ATP13A3: variants seen among roughly 807,000 people sequenced by gnomAD.
The protein encoded by ATP13A3 is ATPase 13A3, also known as polyamine-transporting ATPase 13A3.
A neutral mutation model predicts 158.1 loss-of-function variants in ATP13A3; 59 were observed. That is an observed-to-expected ratio of 0.37 (90% confidence interval 0.30 to 0.46). The LOEUF (loss-of-function observed/expected upper bound fraction) is 0.46, where lower values mean the gene tolerates loss of function less well. ATP13A3 is among the 20% of genes least tolerant of loss of function. The probability of loss-of-function intolerance (pLI) is 1.00; values close to 1 mark genes in which losing one functional copy is unlikely to be tolerated. For missense variants in ATP13A3, 1,166 were observed against 1,525.2 expected, an observed-to-expected ratio of 0.76 and a Z score of 3.92; for synonymous variants, 491 against 504.3, an observed-to-expected ratio of 0.97 and a Z score of 0.35.
chr3:194,411,558 C>T lies in ATP13A3; in HGVS notation c.3573+641G>A, dbSNP rs572650111. 2.6e-5 allele frequency among the ~76,000 whole-genome samples: 4 copies of T among 152,316 alleles called. No individual in the cohort carries two copies. In the East Asian group the frequency reaches 7.7e-4, roughly 29 times the overall value. The stretch of plus-strand genomic sequence containing the variant: ...GGTTTTATTCCTCTGTTTCTCTTCT[C>T]TCTTTACCACAGAACTTGCAATACC... On this transcript the variant is annotated intron_variant, in intron 33 of 33. Transcript: ENST00000645319.
intron 29 of ATP13A3, 131 bp from the exon 30 acceptor site, chr3:194,425,660 C>A: frequency 1.5e-6 from 1 of 682,616 alleles, no homozygotes; most frequent in Non-Finnish European, 2.4e-6. Context: ...GCAAAAGGTC[C>A]AACAATATCA....
At chr3:194,450,036 TCA>T in intron 11 of ATP13A3, 107 bp downstream of exon 11, 1 of 1,159,998 alleles carries the variant, frequency 8.6e-7, no homozygotes, top group South Asian at 1.5e-5. Context: ...TCCAACATAT[TCA>T]TGAGTAAAGG....
At chr3:194,409,256 C>CTG (rs2108706655) in intron 33 of ATP13A3, among the ~76,000 whole-genome samples, 1 of 152,306 alleles carries the variant, frequency 6.6e-6, no homozygotes, top group African/African-American at 2.4e-5. Flanking sequence ...TATAATGGCG[C>CTG]TGTGGTTTTC....
chr3:194,446,463 G>A (rs945818368), intron 14 of ATP13A3, among the ~76,000 whole-genome samples: 4 of 152,276 alleles, frequency 2.6e-5, no homozygotes, highest in Admixed American at 6.5e-5. Flanking sequence ...GCCTCGTTCC[G>A]CCAGTTGCTG....
intron 16 of ATP13A3, among the ~76,000 whole-genome samples, 161 bp from the exon 17 acceptor site, chr3:194,439,133 T>C (rs559923473): frequency 6.6e-6 from 1 of 152,286 alleles, no homozygotes; most frequent in South Asian, 2.1e-4. Flanking sequence ...ACTGGATCAC[T>C]AACATAAGTA....
Position 194,413,859 on chromosome 3 carries a change from T to A in ATP13A3, c.3403-20A>T. The A allele has an allele frequency of 6.3e-7, 1 of 1,598,896 alleles. No individual in the cohort carries two copies. ...CACTATCTGTAATGCAAAAACATTT[T>A]AAAGTTAAAATTGTTGTATGTAGTC... On this transcript the variant is annotated intron_variant, in intron 31 of 33. Transcript: ENST00000645319.
intron 2 of ATP13A3, chr3:194,468,124 A>C (rs1367385564): frequency 6.6e-6 from 1 of 152,204 alleles, no homozygotes; most frequent in Non-Finnish European, 1.5e-5. Context: ...AACTGCTTTC[A>C]AAATGATTAA....
rs768963986 is a variant in ATP13A3, at chr3:194,453,727, A to T, written c.817T>A (p.Ser273Thr). Residue 273 changes from serine (S) to threonine (T), a missense_variant, in exon 10 of 34, where the codon TCA becomes ACA. By Grantham distance (58) the Ser-to-Thr change is moderately conservative. Around this residue, in one of 3 missense-constraint regions of ATP13A3, gnomAD observed 997 missense variants for 1,341.2 expected, o/e 0.74. Transcript: ENST00000645319. Reference protein sequence around the residue: ...MVATHSTVRVSVCRVNEEIEE... With the variant: ...MVATHSTVRVTVCRVNEEIEE... ...TTACCTTCATTTACTCTACAAACTG[A>T]AACTCTTACGGTACTATGAGTTGCC... 1 of 1,613,200 alleles carries T rather than the reference A, an allele frequency of 6.2e-7. No individual in the cohort carries two copies. Among genetic ancestry groups the T allele is most frequent in the Admixed American group, 1.7e-5 (1 of 60,010 alleles).
chr3:194,418,034 A>G (rs1716013207), intron 31 of ATP13A3, among the ~76,000 whole-genome samples: 1 of 150,958 alleles, frequency 6.6e-6, no homozygotes, highest in African/African-American at 2.4e-5. Flanking sequence ...GAGGAAGGAA[A>G]GAAGGAATGA....
Position 194,430,096 on chromosome 3 carries a change from A to G in ATP13A3, c.2753T>C (p.Ile918Thr). 6.2e-7 allele frequency: 1 copy of G among 1,614,130 alleles called. No homozygotes were observed. Among genetic ancestry groups the G allele is most frequent in the Non-Finnish European group, 8.5e-7 (1 of 1,179,986 alleles). Residue 918 changes from isoleucine to threonine, a missense_variant, in exon 26 of 34, where the codon ATT (isoleucine) becomes ACT (threonine). Physicochemically the swap from Ile to Thr is moderately conservative, Grantham distance 89. Coordinates refer to ENST00000645319, the MANE Select transcript of ATP13A3 (RefSeq NM_001367549.1). ...ASPFTSKTPS[I>T]SCVPNLIREG... ...CCTGATAAGGTTTGGCACACAGGAA[A>G]TACTAGGAGTCTTAGAGGTAAAGGG...
intron 17 of ATP13A3, among the ~76,000 whole-genome samples, 182 bp downstream of exon 17, chr3:194,438,674 C>T (rs1717832350): frequency 6.6e-6 from 1 of 152,152 alleles, no homozygotes; most frequent in South Asian, 2.1e-4. Flanking sequence ...TGGTGGCTCA[C>T]ACCTGTAATC....
Position 194,450,211 on chromosome 3 carries a change from T to C in ATP13A3, c.904A>G (p.Thr302Ala). The C allele has an allele frequency of 6.2e-7, 1 of 1,613,612 alleles. No individual in the cohort carries two copies. The highest frequency in any genetic ancestry group is 8.5e-7 in the Non-Finnish European group (1 of 1,179,566). Residue 302 changes from threonine (T) to alanine (A), a missense_variant, in exon 11 of 34, where the codon ACA (threonine) becomes GCA (alanine). Transcript: ENST00000645319. ...AGCACAGCATCACAAGGCATTATTG[T>C]CCCATTTAATGGAATGACCATGACA... The part of the protein sequence containing the change: ...GDVMVIPLNG[T>A]IMPCDAVLIN...
At chr3:194,447,162 G>A (rs374489657) in intron 13 of ATP13A3, 47 bp from the exon 14 acceptor site, 26 of 1,478,336 alleles carry the variant, frequency 1.8e-5, no homozygotes, top group East Asian at 4.6e-5. Flanking sequence ...TATTATTTAC[G>A]GATTTAATAT....
At chr3:194,456,983 T>C (rs540203782) in intron 7 of ATP13A3, 111 bp downstream of exon 7, 20 of 633,242 alleles carry the variant, frequency 3.2e-5, no homozygotes, top group Admixed American at 1.9e-4. Flanking sequence ...ACTATGTCTG[T>C]AATATTTAAG....
chr3:194,450,847 T>TA (rs1195096535), intron 10 of ATP13A3: 3 of 152,270 alleles, frequency 2.0e-5, no homozygotes, highest in Non-Finnish European at 4.4e-5. Context: ...TGTAATATTT[T>TA]ATCTAGCTCA....
chr3:194,435,875 C>A (rs1717596419), intron 20 of ATP13A3, among the ~76,000 whole-genome samples: 1 of 150,714 alleles, frequency 6.6e-6, no homozygotes, highest in East Asian at 1.9e-4. Context: ...CCACTGCACT[C>A]CAGCCTGGGC....
At chr3:194,466,218 T>G (rs1283033361) in intron 2 of ATP13A3, among the ~76,000 whole-genome samples, 1 of 151,490 alleles carries the variant, frequency 6.6e-6, no homozygotes, top group Non-Finnish European at 1.5e-5. Flanking sequence ...ACTCCCAGAG[T>G]AACCGCTATA....
intron 31 of ATP13A3, among the ~76,000 whole-genome samples, chr3:194,416,073 CAA>C (rs1715829942): frequency 6.6e-6 from 1 of 151,998 alleles, no homozygotes; most frequent in African/African-American, 2.4e-5. Flanking sequence ...TCTAGAAATG[CAA>C]AGTTAGTTCA....
chr3:194,408,903 A>G (rs1715148669), intron 33 of ATP13A3, among the ~76,000 whole-genome samples: 1 of 152,228 alleles, frequency 6.6e-6, no homozygotes, highest in African/African-American at 2.4e-5. Flanking sequence ...GGAGATGATG[A>G]TGATGAAGGG....
Sources: gnomAD v4.1 joint callset for allele counts (sites outside exome capture counted in the v4.1 genomes callset) on GRCh38, gnomAD v4.1.1 for gene constraint, gnomAD v4.1.1 regional missense constraint, MANE v1.5 for transcripts, NCBI Gene and HGNC (gene_info 2026-07-23, HGNC 2026-07-21) for gene names.